Variants in KY observed in about 807,000 individuals in gnomAD.
The protein encoded by KY is kyphoscoliosis peptidase.
KY carries 43 observed loss-of-function variants against 76.1 expected under a neutral mutation model. The observed-to-expected ratio is 0.57, with a 90% confidence interval of 0.44 to 0.73. The LOEUF is 0.73. KY is among the 30% of genes least tolerant of loss of function. The pLI is 0.00. For synonymous variants in KY, 277 were observed against 326.2 expected (o/e 0.85, Z 1.63); for missense variants, 722 against 828.9 (o/e 0.87, Z 1.58).
At position 134,603,835 on chromosome 3, in the gene KY, T is replaced by C; in HGVS notation, c.1730A>G (p.Gln577Arg). 1.9e-6 allele frequency: 3 copies of C among 1,614,036 alleles called. No homozygotes were observed. The highest frequency in any genetic ancestry group is 2.5e-6 in the Non-Finnish European group (3 of 1,179,886). The part of the protein sequence containing the change: ...MFPESFGNWG[Q>R]DNELLEPLSG... ...CAGAGGTTCCAGCAGCTCATTGTCC[T>C]GTCCCCAGTTGCCAAAGCTCTCAGG... is the stretch of plus-strand genomic sequence containing the variant. The change falls in exon 11 of 11, where the codon CAG becomes CGG. Residue 577 changes from glutamine (Q) to arginine (R), a missense_variant. Physicochemically the swap from Gln to Arg is conservative, Grantham distance 43. Transcript: ENST00000423778.
At chr3:134,624,960 T>G in intron 6 of KY, 93 bp downstream of exon 6, 1 of 1,086,378 alleles carries the variant, frequency 9.2e-7, no homozygotes, top group Non-Finnish European at 1.4e-6. Flanking sequence ...CCACTCAGGA[T>G]ATGTTCAGGA....
At position 134,601,026 on chromosome 3, in the gene KY, G is replaced by GCC. The variant is rs1958939923; in HGVS notation, c.*2551_*2552dup. The stretch of plus-strand genomic sequence containing the variant: ...CTCCGCACTTCGGACACCTGGGGGC[G>GCC]CCCGTGCCATTCCGCCGGCGACTGG... On this transcript the variant is annotated 3_prime_UTR_variant, in exon 11 of 11. Transcript: ENST00000423778. The GCC allele has an allele frequency of 2.0e-5, 3 of 152,234 alleles. No individual in the cohort carries two copies. 9.4% of individuals were successfully genotyped at this position (152,234 alleles called of 1,614,324 possible). A position where few individuals can be genotyped will look rare whatever the true frequency, so the allele number is the denominator to read the frequency against.
chr3:134,621,258 A>C (rs1177444761), intron 6 of KY, among the ~76,000 whole-genome samples: 2 of 152,254 alleles, frequency 1.3e-5, no homozygotes, highest in African/African-American at 4.8e-5. Context: ...GGCTCCAAGC[A>C]GCCAAAACAA....
At position 134,647,273 on chromosome 3, in the gene KY, A is replaced by C. The variant is rs143343477; in HGVS notation, c.199+162T>G. ...GACCTGACTCCAGGGAACACTTCCCACAGTCACAGTGGCCCTTAGAGGCCT... is the reference window on the plus strand; with the variant it reads ...GACCTGACTCCAGGGAACACTTCCCCCAGTCACAGTGGCCCTTAGAGGCCT... On this transcript the variant is annotated intron_variant, in intron 2 of 10. Transcript: ENST00000423778. 0.013 allele frequency among the ~76,000 whole-genome samples: 2,051 copies of C among 152,304 alleles called. 27 individuals carry two copies. Among genetic ancestry groups the C allele is most frequent in the Middle Eastern group, 0.058 (17 of 294 alleles).
At chr3:134,611,394 G>C (rs1960425386) in intron 8 of KY, among the ~76,000 whole-genome samples, 1 of 152,228 alleles carries the variant, frequency 6.6e-6, no homozygotes, top group South Asian at 2.1e-4. Flanking sequence ...TTCATGGCCA[G>C]CTGGTCTTGC....
At chr3:134,625,541 G>A (rs1290767925) in intron 5 of KY, among the ~76,000 whole-genome samples, 2 of 152,208 alleles carry the variant, frequency 1.3e-5, no homozygotes, top group Non-Finnish European at 2.9e-5. Flanking sequence ...GAGTGTCCAG[G>A]CAGTGCTGCT....
intron 10 of KY, chr3:134,608,184 TG>T (rs1465038264): frequency 1.7e-6 from 2 of 1,167,940 alleles, no homozygotes; most frequent in African/African-American, 1.6e-5. Flanking sequence ...CAGCAGGAGT[TG>T]GGGAAGAGAA....
intron 3 of KY, among the ~76,000 whole-genome samples, chr3:134,631,501 A>G (rs2107918596): frequency 6.6e-6 from 1 of 151,740 alleles, no homozygotes; most frequent in Non-Finnish European, 1.5e-5. Flanking sequence ...GTTCTTGATA[A>G]TATGAATAAT....
chr3:134,623,508 C>CTCGTATG, intron 6 of KY, among the ~76,000 whole-genome samples: 1 of 152,076 alleles, frequency 6.6e-6, no homozygotes, highest in East Asian at 1.9e-4. Flanking sequence ...CGTATGTCCT[C>CTCGTATG]ACCTCCTCCC....
At chr3:134,650,785 G>A (rs1468209380) in intron 1 of KY, 40 bp downstream of exon 1, 1 of 1,529,120 alleles carries the variant, frequency 6.5e-7, no homozygotes, top group East Asian at 2.4e-5. Flanking sequence ...GGAGGCCAAG[G>A]TGCCGGGGGA....
At chr3:134,637,187 G>A (rs1207481230) in intron 3 of KY, among the ~76,000 whole-genome samples, 1 of 152,210 alleles carries the variant, frequency 6.6e-6, no homozygotes, top group African/African-American at 2.4e-5. Context: ...TCAGCCTTGT[G>A]AGTTTGTAAT....
chr3:134,629,728 A>C (rs1336574748), intron 3 of KY, 33 bp from the exon 4 acceptor site: 1 of 1,408,990 alleles, frequency 7.1e-7, no homozygotes, highest in South Asian at 1.2e-5. Context: ...ATTCTCAACC[A>C]GATGCTGCCA....
intron 5 of KY, among the ~76,000 whole-genome samples, chr3:134,626,520 A>G (rs1038219498): frequency 6.6e-6 from 1 of 152,074 alleles, no homozygotes; most frequent in Non-Finnish European, 1.5e-5. Flanking sequence ...GCAGGGAGGG[A>G]CATGTGGCCT....
At chr3:134,629,725 AC>A in intron 3 of KY, 30 bp from the exon 4 acceptor site, 1 of 1,455,818 alleles carries the variant, frequency 6.9e-7, no homozygotes, top group Non-Finnish European at 9.5e-7. Context: ...GACATTCTCA[AC>A]CAGATGCTGC....
At position 134,600,621 on chromosome 3, in the gene KY, C is replaced by T. The variant is rs770568313; in HGVS notation, c.*2958G>A. ...CCTCCACCCTCGGTTCCCTTCTGCC[C>T]TGTGGCCTGGGGGCTGCCATCCTGA... On this transcript the variant is annotated 3_prime_UTR_variant, in exon 11 of 11. Coordinates refer to ENST00000423778, the MANE Select transcript of KY (RefSeq NM_178554.6). Among the ~76,000 whole-genome samples the T allele has an allele frequency of 4.6e-4, 70 of 152,178 alleles. No individual in the cohort carries two copies. The highest frequency in any genetic ancestry group is 5.9e-5 in the Non-Finnish European group (4 of 68,040).
At chr3:134,627,868 A>G (rs1368295093) in intron 4 of KY, 50 bp from the exon 5 acceptor site, 4 of 1,437,720 alleles carry the variant, frequency 2.8e-6, no homozygotes, top group Non-Finnish European at 2.9e-6. Flanking sequence ...AGAAACAGAA[A>G]TGCAAGCACT....
At position 134,635,952 on chromosome 3, in the gene KY, C is replaced by T. The variant is rs77960813; in HGVS notation, c.263-6257G>A. ...AATCTTTACATGTCAGTGAGCATAG[C>T]CATATGTTATCATTTCAAATGGCTA... is the stretch of plus-strand genomic sequence containing the variant. On this transcript the variant is annotated intron_variant, in intron 3 of 10. Transcript: ENST00000423778. Among the ~76,000 whole-genome samples the T allele has an allele frequency of 4.9e-3, 745 of 152,256 alleles. 5 individuals carry two copies. The highest frequency in any genetic ancestry group is 8.3e-3 in the Non-Finnish European group (567 of 68,008).
intron 3 of KY, among the ~76,000 whole-genome samples, chr3:134,631,887 G>T (rs1247275756): frequency 2.6e-5 from 4 of 152,024 alleles, no homozygotes; most frequent in Non-Finnish European, 5.9e-5. Context: ...GAAAAATAGA[G>T]ATTTTCAGAA....
At chr3:134,619,093 G>C in intron 8 of KY, 55 bp downstream of exon 8, 1 of 1,417,398 alleles carries the variant, frequency 7.1e-7, no homozygotes, top group South Asian at 1.1e-5. Flanking sequence ...TGGCACTGTG[G>C]AAGAGGGAGA....
Sources: allele counts gnomAD v4.1 joint callset (sites outside exome capture counted in the v4.1 genomes callset), GRCh38; gene constraint gnomAD v4.1.1; transcripts MANE v1.5; gene names NCBI Gene and HGNC (gene_info 2026-07-23, HGNC 2026-07-21).